Variants in INPP5B observed in about 807,000 individuals in gnomAD.
INPP5B encodes type II inositol 1,4,5-trisphosphate 5-phosphatase.
Under a neutral mutation model 118.5 loss-of-function variants are expected in INPP5B, and 90 were observed. The observed-to-expected ratio is 0.76, with a 90% CI of 0.64 to 0.90. The LOEUF is 0.90. Among genes scored for constraint, INPP5B ranks in the 40% least tolerant of loss-of-function variants. The probability of loss-of-function intolerance (pLI) is 0.00; values close to 1 mark genes in which losing one functional copy is unlikely to be tolerated. For synonymous variants in INPP5B, 385 were observed against 418.9 expected (o/e 0.92, Z 0.99); for missense variants, 984 against 1,125.6 (o/e 0.87, Z 1.80).
At chr1:37,945,678 C>CAGCTGGAGGGAT in intron 3 of INPP5B, 78 bp downstream of exon 3, 1 of 931,524 alleles carries the variant, frequency 1.1e-6, no homozygotes, top group Non-Finnish European at 1.7e-6. Context: ...CCTGGAGGGA[C>CAGCTGGAGGGAT]AGTTGAAGTT....
rs370693673 is a variant in INPP5B, at chr1:37,885,612, C to T, written c.1319+26G>A. On this transcript the variant is annotated intron_variant, in intron 13 of 23. Coordinates refer to ENST00000373024, the MANE Select transcript of INPP5B (RefSeq NM_005540.3). ...ACAACTCTATGTACTCATGGTGAAC[C>T]GCATGGGGTGGAAGCCCAGACTCAC... The T allele has an allele frequency of 1.5e-5, 24 of 1,606,494 alleles. No homozygotes were observed. The East Asian group carries it at 3.1e-4, about 21-fold the overall frequency.
At chr1:37,939,495 A>C (rs1351718934) in intron 6 of INPP5B, among the ~76,000 whole-genome samples, 2 of 144,134 alleles carry the variant, frequency 1.4e-5, no homozygotes, top group African/African-American at 5.1e-5. Flanking sequence ...CCTAGGCTGG[A>C]GTGCAGTGGC....
At chr1:37,897,508 GC>G (rs905375729) in intron 7 of INPP5B, among the ~76,000 whole-genome samples, 3 of 151,282 alleles carry the variant, frequency 2.0e-5, no homozygotes, top group Non-Finnish European at 4.4e-5. Context: ...TGCAAGATGT[GC>G]TTTGTTAAAC....
chr1:37,897,405 C>T (rs1199577333), intron 7 of INPP5B, among the ~76,000 whole-genome samples: 1 of 151,490 alleles, frequency 6.6e-6, no homozygotes, highest in Non-Finnish European at 1.5e-5. Flanking sequence ...ATTCTTCTGC[C>T]TTGGGATCCT....
At chr1:37,935,573 T>C (rs1450692261) in intron 6 of INPP5B, among the ~76,000 whole-genome samples, 1 of 151,926 alleles carries the variant, frequency 6.6e-6, no homozygotes, top group East Asian at 2.0e-4. Flanking sequence ...TCTCATCAGT[T>C]TGACCTCTCT....
At chr1:37,873,809 C>G (rs1487236541) in intron 18 of INPP5B, among the ~76,000 whole-genome samples, 184 bp downstream of exon 18, 1 of 152,184 alleles carries the variant, frequency 6.6e-6, no homozygotes, top group Non-Finnish European at 1.5e-5. Flanking sequence ...GCTTTTGAAA[C>G]TGAACTCATG....
intron 7 of INPP5B, chr1:37,931,364 G>C (rs577333404): frequency 7.8e-7 from 1 of 1,283,046 alleles, no homozygotes; most frequent in Admixed American, 2.6e-5. Flanking sequence ...CTCAGATGGA[G>C]CAACAGGCCC....
At chr1:37,932,430 G>C (rs2148666564) in intron 6 of INPP5B, among the ~76,000 whole-genome samples, 1 of 144,754 alleles carries the variant, frequency 6.9e-6, no homozygotes, top group Admixed American at 7.0e-5. Context: ...GTGCAGTGGA[G>C]CGATCTCCGC....
intron 6 of INPP5B, among the ~76,000 whole-genome samples, chr1:37,936,395 C>T (rs1412982404): frequency 6.6e-6 from 1 of 152,088 alleles, no homozygotes; most frequent in Non-Finnish European, 1.5e-5. Flanking sequence ...CCGAGGCGGG[C>T]GGATCACCAG....
At chr1:37,923,364 A>G (rs1205396287) in intron 7 of INPP5B, among the ~76,000 whole-genome samples, 1 of 152,246 alleles carries the variant, frequency 6.6e-6, no homozygotes, top group Non-Finnish European at 1.5e-5. Flanking sequence ...GTTGTAGCAG[A>G]TAAGACCAGA....
chr1:37,932,253 C>T (rs1645512636), intron 6 of INPP5B, among the ~76,000 whole-genome samples, 200 bp from the exon 7 acceptor site: 1 of 152,134 alleles, frequency 6.6e-6, no homozygotes, highest in Non-Finnish European at 1.5e-5. Context: ...CCTTGAACCT[C>T]ACGGTAACTA....
intron 22 of INPP5B, 126 bp downstream of exon 22, chr1:37,865,635 G>A (rs1254630331): frequency 9.5e-7 from 1 of 1,053,930 alleles, no homozygotes; most frequent in African/African-American, 1.6e-5. Context: ...AGAAAGAGCA[G>A]GTTTGAGAAG....
chr1:37,881,338 A>G (rs556548645), intron 14 of INPP5B, among the ~76,000 whole-genome samples: 18 of 152,308 alleles, frequency 1.2e-4, no homozygotes, highest in African/African-American at 4.1e-4. Flanking sequence ...ACACATTAGG[A>G]AAACAGCTAG....
At chr1:37,932,583 G>T (rs1350887205) in intron 6 of INPP5B, among the ~76,000 whole-genome samples, 1 of 152,042 alleles carries the variant, frequency 6.6e-6, no homozygotes. Context: ...TAGCCAGGAT[G>T]GTCTTGATCT....
At chr1:37,936,387 G>A (rs1172439858) in intron 6 of INPP5B, among the ~76,000 whole-genome samples, 3 of 152,164 alleles carry the variant, frequency 2.0e-5, no homozygotes, top group Non-Finnish European at 2.9e-5. Context: ...TTGGGAGGCC[G>A]AGGCGGGCGG....
At position 37,869,288 on chromosome 1, in the gene INPP5B, C is replaced by T. The variant is rs547142155; in HGVS notation, c.2188-674G>A. The stretch of plus-strand genomic sequence containing the variant: ...GATTACAGGCGTGAGCCACCGTGCC[C>T]GGCCCGATTTTTTTTTTAATTGATT... On this transcript the variant is annotated intron_variant, in intron 19 of 23. Transcript: ENST00000373024. 1.7e-3 allele frequency among the ~76,000 whole-genome samples: 262 copies of T among 150,588 alleles called. 1 individual carries two copies. The highest frequency in any genetic ancestry group is 3.5e-3 in the Middle Eastern group (1 of 286).
Position 37,882,809 on chromosome 1 carries a change from G to A in INPP5B, c.1429C>T (p.Gln477Ter). Residue 477 changes from glutamine to a stop codon, truncating the protein, a stop_gained and splice_region_variant, in exon 14 of 24, where the codon CAG becomes TAG. Transcript: ENST00000373024. LOFTEE classifies it high-confidence loss of function. ...KDFQMLYAYD[Q>*]LKIQVAAKTV... The stretch of plus-strand genomic sequence containing the variant: ...AGGGCACAGGTGGCCATCTGTACCT[G>A]ATCATATGCATACAGCATTTGAAAG... 6.2e-7 allele frequency: 1 copy of A among 1,608,658 alleles called. No individual in the cohort carries two copies.
At chr1:37,867,157 G>T (rs950888080) in intron 20 of INPP5B, among the ~76,000 whole-genome samples, 3 of 152,172 alleles carry the variant, frequency 2.0e-5, no homozygotes, top group Admixed American at 2.0e-4. Context: ...GCTAGAGCCG[G>T]GGAGGCGGAG....
At chr1:37,920,203 C>T (rs956754228) in intron 7 of INPP5B, among the ~76,000 whole-genome samples, 1 of 152,142 alleles carries the variant, frequency 6.6e-6, no homozygotes, top group Non-Finnish European at 1.5e-5. Context: ...AACCAATAAA[C>T]TATATCACTG....
Sources: allele counts gnomAD v4.1 joint callset (sites outside exome capture counted in the v4.1 genomes callset), GRCh38; gene constraint gnomAD v4.1.1; transcripts MANE v1.5; gene names NCBI Gene and HGNC (gene_info 2026-07-23, HGNC 2026-07-21).